HS3ST4: variants seen among roughly 807,000 people sequenced by gnomAD.
The protein encoded by HS3ST4 is heparan sulfate glucosamine 3-O-sulfotransferase 4.
HS3ST4 carries 17 observed loss-of-function variants against 29.2 expected under a neutral mutation model. The observed-to-expected ratio is 0.58, with a 90% confidence interval of 0.40 to 0.87. The LOEUF is 0.87. Ranked by LOEUF, HS3ST4 falls within the 40% of genes least tolerant of loss-of-function variation. The pLI is 0.00. For missense variants in HS3ST4, 627 were observed against 634.5 expected, an observed-to-expected ratio of 0.99 and a Z score of 0.13; for synonymous variants, 314 against 285.7, an observed-to-expected ratio of 1.10 and a Z score of -1.00.
chr16:25,692,957 C>T lies in HS3ST4; in HGVS notation c.540C>T (p.Ser180=), dbSNP rs1392531236. ...CAGGCCGGAGAGCGGCCAACGGGAG[C>T]AGCGAGAGGGGCGGCGCCGTCAGCA... is the stretch of plus-strand genomic sequence containing the variant. The part of the protein sequence containing the change: ...DLAGRRAANG[S]SERGGAVSTP... The change falls in exon 1 of 2, where the codon AGC becomes AGT. Residue 180 remains serine (S), a synonymous_variant. Coordinates refer to ENST00000331351, the MANE Select transcript of HS3ST4 (RefSeq NM_006040.3). The T allele has an allele frequency of 1.9e-6, 3 of 1,610,360 alleles. No homozygotes were observed. The Admixed American group carries it at 5.0e-5, about 27-fold the overall frequency.
At chr16:25,744,174 G>T (rs1328548474) in intron 1 of HS3ST4, among the ~76,000 whole-genome samples, 1 of 152,178 alleles carries the variant, frequency 6.6e-6, no homozygotes, top group Non-Finnish European at 1.5e-5. Flanking sequence ...ACCTGACAAT[G>T]AATTAGCTTT....
At chr16:25,932,564 G>A (rs1258120746) in intron 1 of HS3ST4, among the ~76,000 whole-genome samples, 1 of 152,074 alleles carries the variant, frequency 6.6e-6, no homozygotes, top group Admixed American at 6.6e-5. Context: ...CATGTGACAT[G>A]TTATTACTCC....
At chr16:25,984,754 CA>C (rs1029557108) in intron 1 of HS3ST4, among the ~76,000 whole-genome samples, 1 of 152,224 alleles carries the variant, frequency 6.6e-6, no homozygotes, top group Non-Finnish European at 1.5e-5. Flanking sequence ...TACTTTTTTA[CA>C]GCTGCATAGT....
intron 1 of HS3ST4, among the ~76,000 whole-genome samples, chr16:25,816,243 T>C (rs1311039976): frequency 2.0e-5 from 3 of 151,742 alleles, no homozygotes; most frequent in Admixed American, 6.6e-5. Flanking sequence ...AATTTTAGCA[T>C]ACCTTGTACC....
At chr16:26,010,750 AG>A (rs562460569) in intron 1 of HS3ST4, among the ~76,000 whole-genome samples, 200 of 152,342 alleles carry the variant, frequency 1.3e-3, no homozygotes, top group African/African-American at 4.7e-3. Context: ...GACTCAAAGA[AG>A]GCTTCACAGA....
intron 1 of HS3ST4, among the ~76,000 whole-genome samples, chr16:25,770,749 C>T (rs2141610826): frequency 6.6e-6 from 1 of 152,284 alleles, no homozygotes; most frequent in East Asian, 1.9e-4. Flanking sequence ...TTTCTCTCAA[C>T]CAGTTAAAGC....
chr16:25,979,853 T>C (rs1250218840), intron 1 of HS3ST4, among the ~76,000 whole-genome samples: 1 of 152,194 alleles, frequency 6.6e-6, no homozygotes, highest in Non-Finnish European at 1.5e-5. Context: ...AAGTGGCTGC[T>C]TCTCTTCCTC....
chr16:26,118,634 TCCATATTG>T (rs1254827123), intron 1 of HS3ST4, among the ~76,000 whole-genome samples: 1 of 152,158 alleles, frequency 6.6e-6, no homozygotes, highest in Non-Finnish European at 1.5e-5. Context: ...GCTAGTTCCT[TCCATATTG>T]GATGGCACAG....
intron 1 of HS3ST4, among the ~76,000 whole-genome samples, chr16:26,029,736 G>T (rs1200008780): frequency 6.6e-6 from 1 of 152,196 alleles, no homozygotes; most frequent in East Asian, 1.9e-4. Flanking sequence ...CTACCTGGGA[G>T]AGCTGCTGGG....
At chr16:25,826,874 C>G (rs966610390) in intron 1 of HS3ST4, among the ~76,000 whole-genome samples, 11 of 152,136 alleles carry the variant, frequency 7.2e-5, no homozygotes, top group Admixed American at 6.5e-4. Flanking sequence ...TCAAGTCTTC[C>G]AGAATGTGCC....
At position 26,013,328 on chromosome 16, in the gene HS3ST4, C is replaced by T. The variant is rs184388633; in HGVS notation, c.735-122284C>T. ...CACTTAAGAGCTGTGTGAATTTGAG[C>T]AATTTACTTAATGCCTTTGCCTTAA... On this transcript the variant is annotated intron_variant, in intron 1 of 1. Transcript: ENST00000331351. 1.1e-3 allele frequency among the ~76,000 whole-genome samples: 167 copies of T among 152,236 alleles called. 1 individual carries two copies. Among genetic ancestry groups the T allele is most frequent in the Non-Finnish European group, 1.7e-3 (114 of 68,018 alleles).
intron 1 of HS3ST4, among the ~76,000 whole-genome samples, chr16:25,956,814 C>T (rs901880708): frequency 4.0e-5 from 6 of 151,868 alleles, no homozygotes; most frequent in Admixed American, 6.6e-5. Flanking sequence ...CTGGCTAACA[C>T]GATGAAACCC....
intron 1 of HS3ST4, among the ~76,000 whole-genome samples, chr16:26,126,945 C>T (rs1417866723): frequency 2.0e-5 from 3 of 152,002 alleles, no homozygotes; most frequent in African/African-American, 7.3e-5. Flanking sequence ...AAACTGTTCA[C>T]CCTCCCTGGA....
intron 1 of HS3ST4, among the ~76,000 whole-genome samples, chr16:26,074,187 G>A (rs1240963691): frequency 6.6e-6 from 1 of 152,138 alleles, no homozygotes; most frequent in African/African-American, 2.4e-5. Flanking sequence ...GAAACCTGTA[G>A]CTTCCCTGCA....
At chr16:25,732,290 T>C (rs1433802357) in intron 1 of HS3ST4, among the ~76,000 whole-genome samples, 3 of 152,224 alleles carry the variant, frequency 2.0e-5, no homozygotes, top group Non-Finnish European at 4.4e-5. Context: ...GCAGTACTTT[T>C]TGGCGGCAGT....
intron 1 of HS3ST4, among the ~76,000 whole-genome samples, chr16:25,855,687 G>T (rs1054865541): frequency 6.6e-6 from 1 of 152,108 alleles, no homozygotes; most frequent in Non-Finnish European, 1.5e-5. Context: ...ATAATGTCTT[G>T]GAATTTAGTT....
intron 1 of HS3ST4, among the ~76,000 whole-genome samples, chr16:25,815,355 G>A (rs893924107): frequency 1.3e-5 from 2 of 152,046 alleles, no homozygotes; most frequent in African/African-American, 4.8e-5. Flanking sequence ...TTCAAGTCTC[G>A]CTTTATTGCC....
chr16:25,769,019 G>C (rs1208861022), intron 1 of HS3ST4, among the ~76,000 whole-genome samples: 1 of 152,072 alleles, frequency 6.6e-6, no homozygotes, highest in African/African-American at 2.4e-5. Context: ...CATCATAAAG[G>C]CATTTGAGTT....
At chr16:26,081,667 A>C (rs1898725147) in intron 1 of HS3ST4, among the ~76,000 whole-genome samples, 1 of 152,218 alleles carries the variant, frequency 6.6e-6, no homozygotes, top group African/African-American at 2.4e-5. Flanking sequence ...CCAGGTGAAG[A>C]AATAAGAATG....
Sources: allele counts gnomAD v4.1 joint callset (sites outside exome capture counted in the v4.1 genomes callset), GRCh38; gene constraint gnomAD v4.1.1; transcripts MANE v1.5; gene names NCBI Gene and HGNC (gene_info 2026-07-23, HGNC 2026-07-21).